PAICS: variants seen among roughly 807,000 people sequenced by gnomAD.
The protein encoded by PAICS is bifunctional phosphoribosylaminoimidazole carboxylase/phosphoribosylaminoimidazole succinocarboxamide synthetase.
In PAICS, 33 loss-of-function variants were observed where a neutral mutation model predicts 53.7. The observed-to-expected ratio is 0.61, with a 90% CI of 0.47 to 0.82. The LOEUF is 0.82. Among genes scored for constraint, PAICS ranks in the 40% least tolerant of loss-of-function variants. PAICS has a pLI of 0.00. For synonymous variants in PAICS, 141 were observed against 167.2 expected (o/e 0.84, Z 1.21); for missense variants, 394 against 494.1 (o/e 0.80, Z 1.92).
chr4:56,450,923 T>C (rs1718878738), intron 6 of PAICS: 1 of 392,274 alleles, frequency 2.5e-6, no homozygotes, highest in Non-Finnish European at 4.7e-6. Flanking sequence ...GTTCACGCCA[T>C]TCTCCTAGCT....
At position 56,436,265 on chromosome 4, in the gene PAICS, T is replaced by C. The variant is rs536004858; in HGVS notation, c.-48T>C. 1.3e-6 allele frequency: 2 copies of C among 1,580,268 alleles called. No individual in the cohort carries two copies. The highest frequency in any genetic ancestry group is 1.4e-5 in the African/African-American group (1 of 74,002). On this transcript the variant is annotated 5_prime_UTR_variant, in exon 1 of 9. Coordinates refer to ENST00000512576, the MANE Select transcript of PAICS (RefSeq NM_001079524.2). Reference sequence around the variant, plus strand: ...TCTGACCACCCCTCTTTTCTAGAGTTCTGCCTCGCTTCCCGGCGCGGTCGC... The same window carrying C: ...TCTGACCACCCCTCTTTTCTAGAGTCCTGCCTCGCTTCCCGGCGCGGTCGC...
intron 8 of PAICS, among the ~76,000 whole-genome samples, chr4:56,457,523 AG>A (rs1719277012): frequency 6.6e-6 from 1 of 152,188 alleles, no homozygotes; most frequent in Non-Finnish European, 1.5e-5. Flanking sequence ...TTAGACTTCG[AG>A]TCAGTCATCT....
At chr4:56,456,546 C>T (rs1333505242) in intron 8 of PAICS, among the ~76,000 whole-genome samples, 1 of 152,074 alleles carries the variant, frequency 6.6e-6, no homozygotes, top group Non-Finnish European at 1.5e-5. Flanking sequence ...GTAGCTATGA[C>T]TACAGGCCCA....
chr4:56,420,526 A>C, the PAICS span: 6 of 152,258 alleles, frequency 3.9e-5, no homozygotes, highest in Non-Finnish European at 7.3e-5. Flanking sequence ...ATTATGAAAC[A>C]GATTTAGTAT....
At chr4:56,447,614 C>T (rs1001090548) in intron 3 of PAICS, among the ~76,000 whole-genome samples, 5 of 152,060 alleles carry the variant, frequency 3.3e-5, no homozygotes, top group Non-Finnish European at 5.9e-5. Context: ...GTGCTTTGGC[C>T]TTCCTGTCAT....
rs1718994482 is a variant in PAICS, at chr4:56,453,034, T to C, written c.953-569T>C. The stretch of plus-strand genomic sequence containing the variant: ...CAATTTTGGATTCTAGGTTAACAAA[T>C]CTCTGCTTTAGGAAACAGGAGGATA... On this transcript the variant is annotated intron_variant, in intron 7 of 8. Coordinates refer to ENST00000512576, the MANE Select transcript of PAICS (RefSeq NM_001079524.2). Among the ~76,000 whole-genome samples, 8 of 152,152 alleles carry C rather than the reference T, an allele frequency of 5.3e-5. No homozygotes were observed. In the South Asian group the frequency reaches 1.7e-3, roughly 32 times the overall value.
At chr4:56,444,860 G>A (rs1718526563) in intron 2 of PAICS, among the ~76,000 whole-genome samples, 1 of 152,090 alleles carries the variant, frequency 6.6e-6, no homozygotes, top group South Asian at 2.1e-4. Context: ...GGATACTACT[G>A]TGTCCAGCTT....
chr4:56,449,938 G>GCACTCCAA (rs1206426498), intron 5 of PAICS, among the ~76,000 whole-genome samples: 1 of 150,178 alleles, frequency 6.7e-6, no homozygotes, highest in Admixed American at 6.6e-5. Flanking sequence ...TTGTGCCACT[G>GCACTCCAA]CACTCCAACC....
the PAICS span, chr4:56,410,647 T>TA: frequency 1.0e-6 from 1 of 986,914 alleles, no homozygotes; most frequent in Non-Finnish European, 1.2e-6. Context: ...TTTACATTGC[T>TA]AAAAGGCTGC....
the PAICS span, among the ~76,000 whole-genome samples, chr4:56,428,789 C>A: frequency 6.6e-6 from 1 of 152,116 alleles, no homozygotes; most frequent in African/African-American, 2.4e-5. Context: ...TTTTTCTAAA[C>A]CTTGTACCAA....
intron 1 of PAICS, among the ~76,000 whole-genome samples, chr4:56,438,621 T>G (rs956550441): frequency 3.6e-4 from 55 of 151,778 alleles, no homozygotes; most frequent in Middle Eastern, 3.4e-3. Context: ...TATTTTTTAG[T>G]AGAGTCAGGG....
chr4:56,419,099 G>C, the PAICS span, among the ~76,000 whole-genome samples: 4 of 152,200 alleles, frequency 2.6e-5, no homozygotes, highest in Admixed American at 1.3e-4. Context: ...CTGGGGATGA[G>C]GGATGAGGCA....
the PAICS span, among the ~76,000 whole-genome samples, chr4:56,427,490 G>T: frequency 6.6e-6 from 1 of 151,968 alleles, no homozygotes; most frequent in African/African-American, 2.4e-5. Flanking sequence ...TATCCAACAA[G>T]AGTGATTTAA....
chr4:56,417,842 G>GT, the PAICS span, among the ~76,000 whole-genome samples: 5,765 of 136,066 alleles, frequency 0.042, 147 homozygotes, highest in Non-Finnish European at 0.063. Flanking sequence ...TTGGTTTTTT[G>GT]TTTTTTTTTT....
the PAICS span, among the ~76,000 whole-genome samples, chr4:56,412,165 C>G: frequency 1.3e-5 from 2 of 152,158 alleles, no homozygotes; most frequent in Non-Finnish European, 2.9e-5. Flanking sequence ...TTAAAGGGAT[C>G]TTCAGCGCTT....
chr4:56,434,119 T>A (rs1008296999), upstream of PAICS, among the ~76,000 whole-genome samples: 1 of 152,230 alleles, frequency 6.6e-6, no homozygotes, highest in African/African-American at 2.4e-5. Context: ...AAATCTATTA[T>A]GGTCAACCCA....
At chr4:56,453,934 C>T (rs76031863) in intron 8 of PAICS, among the ~76,000 whole-genome samples, 173 bp downstream of exon 8, 3 of 152,224 alleles carry the variant, frequency 2.0e-5, no homozygotes, top group Non-Finnish European at 2.9e-5. Context: ...AGATCTTAGA[C>T]GTTATAGTAA....
chr4:56,436,241 C>T (rs1335756899), upstream of PAICS: 10 of 1,553,014 alleles, frequency 6.4e-6, no homozygotes, highest in Non-Finnish European at 1.7e-6. Context: ...GCGAAGCTCT[C>T]TGACCACCCC....
chr4:56,442,231 A>C (rs1373519216), intron 2 of PAICS, among the ~76,000 whole-genome samples: 2 of 152,192 alleles, frequency 1.3e-5, no homozygotes, highest in Admixed American at 1.3e-4. Context: ...TTCTATACAA[A>C]TGGTCTTTGT....
Sources: gnomAD v4.1 joint callset for allele counts (sites outside exome capture counted in the v4.1 genomes callset) on GRCh38, gnomAD v4.1.1 for gene constraint, MANE v1.5 for transcripts, NCBI Gene and HGNC (gene_info 2026-07-23, HGNC 2026-07-21) for gene names.